Variants in LRBA observed in about 807,000 individuals in gnomAD.
LRBA encodes LPS responsive beige-like anchor protein.
Under a neutral mutation model 330.0 loss-of-function variants are expected in LRBA, and 176 were observed. The observed-to-expected ratio is 0.53, with a 90% CI of 0.47 to 0.60. The LOEUF is 0.60. Ranked by LOEUF, LRBA falls within the 20% of genes least tolerant of loss-of-function variation. LRBA has a pLI of 0.00. For missense variants in LRBA, 3,259 were observed against 3,444.8 expected (o/e 0.95, Z 1.35); for synonymous variants, 1,230 against 1,193.0 (o/e 1.03, Z -0.64).
chr4:150,303,855 G>A (rs1257420475), intron 52 of LRBA, among the ~76,000 whole-genome samples: 1 of 151,482 alleles, frequency 6.6e-6, no homozygotes, highest in African/African-American at 2.4e-5. Context: ...TTACAGGCGT[G>A]AGCCACCGTG....
chr4:150,930,130 C>T (rs1317739705), intron 2 of LRBA, among the ~76,000 whole-genome samples: 1 of 152,016 alleles, frequency 6.6e-6, no homozygotes, highest in Non-Finnish European at 1.5e-5. Context: ...GCCTGGCCAA[C>T]ACGGTGAAAC....
chr4:150,962,119 T>G (rs542643393), intron 2 of LRBA, among the ~76,000 whole-genome samples: 1 of 149,574 alleles, frequency 6.7e-6, no homozygotes, highest in East Asian at 1.9e-4. Context: ...CATGGAGGAA[T>G]AATAAACAAT....
intron 23 of LRBA, 100 bp from the exon 24 acceptor site, chr4:150,851,002 C>T (rs1337194781): frequency 7.7e-6 from 6 of 775,260 alleles, no homozygotes; most frequent in Admixed American, 6.0e-5. Context: ...TCATCTAACA[C>T]GTTTTTAAGA....
intron 35 of LRBA, among the ~76,000 whole-genome samples, chr4:150,759,523 T>C (rs1241284564): frequency 6.6e-6 from 1 of 152,156 alleles, no homozygotes; most frequent in Non-Finnish European, 1.5e-5. Flanking sequence ...TGCTCCAATG[T>C]TACTTTCTCA....
At chr4:150,356,563 C>A (rs1371702354) in intron 47 of LRBA, among the ~76,000 whole-genome samples, 1 of 151,800 alleles carries the variant, frequency 6.6e-6, no homozygotes, top group Non-Finnish European at 1.5e-5. Context: ...AATTTTCTAA[C>A]AAAGGTCACA....
intron 31 of LRBA, 111 bp downstream of exon 31, chr4:150,817,013 A>C (rs943581679): frequency 8.4e-6 from 7 of 831,766 alleles, no homozygotes; most frequent in East Asian, 2.5e-5. Context: ...ACAGTATAAA[A>C]GTACAATGGT....
intron 31 of LRBA, among the ~76,000 whole-genome samples, chr4:150,812,112 C>T (rs1034508572): frequency 2.0e-5 from 3 of 152,094 alleles, no homozygotes; most frequent in Non-Finnish European, 4.4e-5. Flanking sequence ...TCCTCCATTC[C>T]TGCTGTGGAA....
At chr4:150,909,836 C>G (rs1731781964) in intron 9 of LRBA, among the ~76,000 whole-genome samples, 2 of 152,032 alleles carry the variant, frequency 1.3e-5, no homozygotes, top group Admixed American at 1.3e-4. Flanking sequence ...ATTTTGTTTT[C>G]TTTTTTAAGT....
chr4:150,699,582 T>C (rs1465847396), intron 36 of LRBA, among the ~76,000 whole-genome samples: 1 of 152,060 alleles, frequency 6.6e-6, no homozygotes, highest in East Asian at 1.9e-4. Context: ...TTTCCAGAGA[T>C]TACTTGAAGA....
chr4:150,691,171 C>T (rs1784104250), intron 36 of LRBA, among the ~76,000 whole-genome samples: 1 of 151,980 alleles, frequency 6.6e-6, no homozygotes, highest in Non-Finnish European at 1.5e-5. Context: ...ACCTCATGAT[C>T]TGCCCGCCTT....
intron 40 of LRBA, among the ~76,000 whole-genome samples, chr4:150,560,465 T>C (rs1401581029): frequency 2.6e-5 from 4 of 152,100 alleles, no homozygotes; most frequent in Admixed American, 2.6e-4. Context: ...AAAAACTAAA[T>C]GAAGGATGTC....
At chr4:150,686,668 T>C (rs1043786904) in intron 36 of LRBA, among the ~76,000 whole-genome samples, 2 of 152,184 alleles carry the variant, frequency 1.3e-5, no homozygotes, top group African/African-American at 4.8e-5. Flanking sequence ...TCTGTCCTTG[T>C]CTAACTTCAC....
At chr4:150,800,147 G>A (rs754879529) in intron 33 of LRBA, among the ~76,000 whole-genome samples, 13 of 152,284 alleles carry the variant, frequency 8.5e-5, no homozygotes, top group Non-Finnish European at 1.5e-4. Flanking sequence ...CCAGAAGAAG[G>A]TTCATAGCTA....
chr4:150,494,092 G>T (rs1467274148), intron 40 of LRBA, among the ~76,000 whole-genome samples: 1 of 150,852 alleles, frequency 6.6e-6, no homozygotes, highest in Non-Finnish European at 1.5e-5. Flanking sequence ...TCTAAAAAAA[G>T]AAAAAAAAGA....
chr4:150,418,093 T>G (rs1159380911), intron 46 of LRBA, among the ~76,000 whole-genome samples: 4 of 151,428 alleles, frequency 2.6e-5, no homozygotes, highest in Non-Finnish European at 1.5e-5. Flanking sequence ...GGCACAATCA[T>G]AGTTCACCGT....
chr4:150,608,945 T>C (rs913065638), intron 37 of LRBA, among the ~76,000 whole-genome samples: 1 of 152,260 alleles, frequency 6.6e-6, no homozygotes, highest in Non-Finnish European at 1.5e-5. Flanking sequence ...CTCATTCTTT[T>C]TATTACTGAA....
chr4:150,716,008 C>T (rs924530177), intron 36 of LRBA, among the ~76,000 whole-genome samples: 1 of 152,106 alleles, frequency 6.6e-6, no homozygotes, highest in Non-Finnish European at 1.5e-5. Context: ...GTCTGACTTT[C>T]GTTTAGGAAA....
chr4:150,331,809 AC>A (rs1273502885), intron 48 of LRBA, among the ~76,000 whole-genome samples: 2 of 152,136 alleles, frequency 1.3e-5, no homozygotes, highest in African/African-American at 4.8e-5. Context: ...CCAAATCCTT[AC>A]CCTGGGTAGC....
At chr4:150,360,080 G>A (rs1349213760) in intron 47 of LRBA, among the ~76,000 whole-genome samples, 1 of 152,060 alleles carries the variant, frequency 6.6e-6, no homozygotes, top group African/African-American at 2.4e-5. Flanking sequence ...TTTTATACCA[G>A]TTTTGTCCAA....
Sources: gnomAD v4.1 joint callset for allele counts (sites outside exome capture counted in the v4.1 genomes callset) on GRCh38, gnomAD v4.1.1 for gene constraint, MANE v1.5 for transcripts, NCBI Gene and HGNC (gene_info 2026-07-23, HGNC 2026-07-21) for gene names.